Variants in MPDZ observed in about 807,000 individuals in gnomAD.
MPDZ encodes multiple PDZ domain crumbs cell polarity complex component.
MPDZ carries 234 observed loss-of-function variants against 239.1 expected under a neutral mutation model. That is an observed-to-expected ratio of 0.98 (90% CI 0.88 to 1.09). The LOEUF (loss-of-function observed/expected upper bound fraction) is 1.09, where lower values mean the gene tolerates loss of function less well. MPDZ is among the 50% of genes least tolerant of loss of function. MPDZ has a pLI of 0.00. For synonymous variants in MPDZ, 1,048 were observed against 881.3 expected (o/e 1.19, Z -3.35); for missense variants, 3,175 against 2,510.0 (o/e 1.26, Z -5.66).
intron 3 of MPDZ, among the ~76,000 whole-genome samples, chr9:13,225,429 C>T (rs1483660431): frequency 2.6e-5 from 4 of 151,672 alleles, no homozygotes; most frequent in Admixed American, 2.0e-4. Context: ...TAGTAGCATA[C>T]AGTATATTGA....
At chr9:13,138,202 C>T in intron 28 of MPDZ, 49 bp from the exon 29 acceptor site, 6 of 1,458,864 alleles carry the variant, frequency 4.1e-6, no homozygotes, top group Non-Finnish European at 5.5e-6. Flanking sequence ...AATTTACAGT[C>T]AAATGCTTTA....
At chr9:13,131,545 C>A (rs1337227029) in intron 32 of MPDZ, among the ~76,000 whole-genome samples, 1 of 152,160 alleles carries the variant, frequency 6.6e-6, no homozygotes, top group Admixed American at 6.5e-5. Flanking sequence ...ATGTTTGACT[C>A]CTGCATACCA....
rs3758303 is a variant in MPDZ, at chr9:13,205,349, G to C, written c.1475-242C>G. 1.7e-4 allele frequency among the ~76,000 whole-genome samples: 26 copies of C among 152,180 alleles called. No individual in the cohort carries two copies. In the East Asian group the frequency reaches 5.0e-3, roughly 29 times the overall value. On this transcript the variant is annotated intron_variant, in intron 11 of 46. Transcript: ENST00000319217. ...TATAAATGGCATAAATATCAGAATGGTCAACAATTTTAGAAATGAAACAGC... is the reference window on the plus strand; with the variant it reads ...TATAAATGGCATAAATATCAGAATGCTCAACAATTTTAGAAATGAAACAGC...
intron 3 of MPDZ, among the ~76,000 whole-genome samples, chr9:13,226,968 T>C (rs1193045724): frequency 6.6e-6 from 1 of 152,128 alleles, no homozygotes; most frequent in Non-Finnish European, 1.5e-5. Context: ...AGCTAAGTTG[T>C]TTGTGACCTA....
intron 26 of MPDZ, among the ~76,000 whole-genome samples, chr9:13,146,049 T>C (rs1948392585): frequency 6.6e-6 from 1 of 152,076 alleles, no homozygotes. Context: ...AAAGGATTTA[T>C]AGTTATTTAA....
chr9:13,169,558 C>T (rs756018570), intron 21 of MPDZ, among the ~76,000 whole-genome samples: 1 of 152,122 alleles, frequency 6.6e-6, no homozygotes, highest in Admixed American at 6.6e-5. Context: ...CTTCTCTTGC[C>T]TGACTTTTTG....
intron 24 of MPDZ, among the ~76,000 whole-genome samples, chr9:13,151,010 T>C (rs1247423999): frequency 6.6e-6 from 1 of 151,918 alleles, no homozygotes; most frequent in Non-Finnish European, 1.5e-5. Flanking sequence ...TGGGCAAGTG[T>C]CTTGAAGATA....
chr9:13,241,127 T>C (rs1965303742), intron 3 of MPDZ, among the ~76,000 whole-genome samples: 1 of 152,134 alleles, frequency 6.6e-6, no homozygotes, highest in Non-Finnish European at 1.5e-5. Context: ...GGAACAAACA[T>C]TTAAAAGCTG....
chr9:13,179,347 C>T (rs1320316543), intron 19 of MPDZ, among the ~76,000 whole-genome samples: 1 of 152,128 alleles, frequency 6.6e-6, no homozygotes, highest in Admixed American at 6.6e-5. Flanking sequence ...TCATCTCCCC[C>T]ATGCCTCAAA....
At chr9:13,244,909 TA>T (rs1234527106) in intron 3 of MPDZ, among the ~76,000 whole-genome samples, 3 of 151,730 alleles carry the variant, frequency 2.0e-5, no homozygotes, top group Non-Finnish European at 2.9e-5. Flanking sequence ...CCTTTACTTC[TA>T]AAAAAAACAG....
At chr9:13,132,402 T>C (rs1946130009) in intron 32 of MPDZ, among the ~76,000 whole-genome samples, 1 of 152,146 alleles carries the variant, frequency 6.6e-6, no homozygotes, top group African/African-American at 2.4e-5. Flanking sequence ...CATTGCTAAA[T>C]GCCCAGCCAA....
At chr9:13,200,065 A>T (rs959267713) in intron 12 of MPDZ, among the ~76,000 whole-genome samples, 1 of 151,960 alleles carries the variant, frequency 6.6e-6, no homozygotes, top group Non-Finnish European at 1.5e-5. Flanking sequence ...TTCTGCAGTG[A>T]AGTTTAAGTC....
At chr9:13,184,238 C>T (rs937139872) in intron 18 of MPDZ, among the ~76,000 whole-genome samples, 2 of 151,816 alleles carry the variant, frequency 1.3e-5, no homozygotes, top group Non-Finnish European at 2.9e-5. Context: ...TCTAATAATC[C>T]TATTGCTGTC....
intron 14 of MPDZ, 113 bp downstream of exon 14, chr9:13,193,054 C>G (rs1955163284): frequency 2.9e-6 from 3 of 1,021,142 alleles, no homozygotes; most frequent in Middle Eastern, 3.5e-4. Flanking sequence ...AGATTTCTCT[C>G]AAGTCCCCTT....
At chr9:13,276,584 T>A (rs1308943337) in intron 1 of MPDZ, 1 of 152,180 alleles carries the variant, frequency 6.6e-6, no homozygotes, top group African/African-American at 2.4e-5. Context: ...CATCAAGCAG[T>A]CCTAAATTCA....
chr9:13,180,871 A>T (rs1293740719), intron 19 of MPDZ, among the ~76,000 whole-genome samples: 1 of 152,066 alleles, frequency 6.6e-6, no homozygotes. Context: ...ACATACTCTT[A>T]AAAAAGTAAA....
intron 8 of MPDZ, among the ~76,000 whole-genome samples, chr9:13,217,813 A>T (rs1958551390): frequency 6.6e-6 from 1 of 151,854 alleles, no homozygotes; most frequent in Admixed American, 6.6e-5. Context: ...TTAAGACTCT[A>T]CATGTCTTAA....
rs1240323218 is a variant in MPDZ, at chr9:13,136,327, T to TTTTTTTG, written c.4293-146_4293-145insCAAAAAA. ...ACTTACAAATTTACAAACGTTTTCTTTTTTTTTTTTTTTTTTTTTTTTGAG... is the reference window on the plus strand; with the variant it reads ...ACTTACAAATTTACAAACGTTTTCTTTTTTTTGTTTTTTTTTTTTTTTTTTTTTTGAG... On this transcript the variant is annotated intron_variant, in intron 30 of 46. Transcript: ENST00000319217. 32 of 228,894 alleles carry TTTTTTTG rather than the reference T, an allele frequency of 1.4e-4. 3 individuals are homozygous for TTTTTTTG. Among genetic ancestry groups the TTTTTTTG allele is most frequent in the Non-Finnish European group, 2.2e-4 (27 of 124,376 alleles). 14.2% of individuals were successfully genotyped at this position (228,894 alleles called of 1,614,324 possible).
Position 13,147,451 on chromosome 9 carries a change from C to G in MPDZ, c.3741+97G>C, listed in dbSNP as rs545498954. On this transcript the variant is annotated intron_variant, in intron 26 of 46. Transcript: ENST00000319217. ...AAGTCTCCTGAGATTTGAAAAATCACTATCTTTACTCATACAGACAACTTG... is the reference window on the plus strand; with the variant it reads ...AAGTCTCCTGAGATTTGAAAAATCAGTATCTTTACTCATACAGACAACTTG... 4.7e-6 allele frequency: 4 copies of G among 856,958 alleles called. No homozygotes were observed. The African/African-American group carries it at 6.7e-5, about 14-fold the overall frequency. The allele number at this position is 856,958 out of a possible 1,614,324, so 53.1% of individuals were successfully genotyped here.
Sources: gnomAD v4.1 joint callset for allele counts (sites outside exome capture counted in the v4.1 genomes callset) on GRCh38, gnomAD v4.1.1 for gene constraint, MANE v1.5 for transcripts, NCBI Gene and HGNC (gene_info 2026-07-23, HGNC 2026-07-21) for gene names.